Variants in CTNNA2 observed in about 807,000 individuals in gnomAD.
The protein encoded by CTNNA2 is catenin alpha-2.
Under a neutral mutation model 101.0 loss-of-function variants are expected in CTNNA2, and 42 were observed. That is an observed-to-expected ratio of 0.42 (90% CI 0.32 to 0.54). CTNNA2 has a LOEUF of 0.54. Ranked by LOEUF, CTNNA2 falls within the 20% of genes least tolerant of loss-of-function variation. The pLI is 0.14. For missense variants in CTNNA2, 871 were observed against 1,223.1 expected (o/e 0.71, Z 4.29); for synonymous variants, 450 against 456.4 (o/e 0.99, Z 0.18).
chr2:79,674,122 A>G (rs1436789971), intron 2 of CTNNA2, among the ~76,000 whole-genome samples: 2 of 152,168 alleles, frequency 1.3e-5, no homozygotes, highest in African/African-American at 4.8e-5. Context: ...GTTTTAAAAA[A>G]TTGCTCTGCA....
intron 1 of CTNNA2, among the ~76,000 whole-genome samples, chr2:79,620,765 G>A (rs962003382): frequency 5.9e-5 from 9 of 152,102 alleles, no homozygotes; most frequent in African/African-American, 2.2e-4. Context: ...GTGTGCATAG[G>A]CAGCCATAGA....
intron 4 of CTNNA2, among the ~76,000 whole-genome samples, chr2:79,461,447 C>T (rs1261184957): frequency 6.6e-6 from 1 of 152,142 alleles, no homozygotes; most frequent in Non-Finnish European, 1.5e-5. Flanking sequence ...TGGTATCAGA[C>T]ATTTGAGTGC....
At chr2:80,089,678 A>G (rs1015697877) in intron 7 of CTNNA2, among the ~76,000 whole-genome samples, 5 of 152,034 alleles carry the variant, frequency 3.3e-5, no homozygotes, top group African/African-American at 1.2e-4. Flanking sequence ...CAGTGAAAGC[A>G]TCATTTGGCC....
At chr2:79,329,989 A>G (rs540036672) in intron 3 of CTNNA2, among the ~76,000 whole-genome samples, 37 of 152,084 alleles carry the variant, frequency 2.4e-4, no homozygotes, top group African/African-American at 8.0e-4. Flanking sequence ...AGGGATGAAA[A>G]CCACTAGCTA....
At chr2:79,481,237 C>G (rs1671106609) in intron 4 of CTNNA2, among the ~76,000 whole-genome samples, 1 of 152,022 alleles carries the variant, frequency 6.6e-6, no homozygotes, top group Non-Finnish European at 1.5e-5. Flanking sequence ...GAGGAAGGTG[C>G]CTCTAAATTT....
intron 9 of CTNNA2, among the ~76,000 whole-genome samples, chr2:80,447,448 G>A (rs1683164564): frequency 6.6e-6 from 1 of 152,166 alleles, no homozygotes; most frequent in Non-Finnish European, 1.5e-5. Flanking sequence ...GTATGGGGTT[G>A]TTGTGTTATT....
chr2:79,732,724 T>A (rs1056830611), intron 2 of CTNNA2, among the ~76,000 whole-genome samples: 1 of 152,042 alleles, frequency 6.6e-6, no homozygotes, highest in Non-Finnish European at 1.5e-5. Flanking sequence ...ATCTTTAAAA[T>A]CTCAGAGACT....
chr2:79,589,909 T>G (rs1251451895), intron 1 of CTNNA2, among the ~76,000 whole-genome samples: 1 of 152,200 alleles, frequency 6.6e-6, no homozygotes, highest in Non-Finnish European at 1.5e-5. Context: ...AAAAATTTAG[T>G]TAAAAAGCAA....
chr2:80,603,936 G>A (rs1390161012), intron 15 of CTNNA2, 138 bp from the exon 16 acceptor site: 3 of 608,008 alleles, frequency 4.9e-6, no homozygotes, highest in Non-Finnish European at 8.4e-6. Context: ...GAGTTAAGCA[G>A]GAAAATATTC....
At chr2:79,583,050 T>A (rs1239725128) in intron 1 of CTNNA2, among the ~76,000 whole-genome samples, 1 of 152,114 alleles carries the variant, frequency 6.6e-6, no homozygotes, top group Non-Finnish European at 1.5e-5. Context: ...ACCATGTTAT[T>A]GTATATTAGT....
At chr2:80,301,236 C>T (rs1676279877) in intron 7 of CTNNA2, among the ~76,000 whole-genome samples, 1 of 152,196 alleles carries the variant, frequency 6.6e-6, no homozygotes, top group African/African-American at 2.4e-5. Flanking sequence ...CCTAAGCTTG[C>T]TGCAGTCTTA....
intron 13 of CTNNA2, among the ~76,000 whole-genome samples, chr2:80,580,552 G>A (rs1212323765): frequency 6.6e-6 from 1 of 152,078 alleles, no homozygotes; most frequent in African/African-American, 2.4e-5. Context: ...TAACTTCTTT[G>A]CACCTTGTAT....
chr2:79,307,469 T>C (rs1383843298), intron 2 of CTNNA2, among the ~76,000 whole-genome samples: 2 of 152,204 alleles, frequency 1.3e-5, no homozygotes, highest in Non-Finnish European at 2.9e-5. Context: ...AGTGAGAACA[T>C]GTGGTGTTTA....
At position 80,346,539 on chromosome 2, in the gene CTNNA2, A is replaced by C. The variant is rs181629113; in HGVS notation, c.1057-46672A>C. ...ACATTGGGGATTACAATTCAACATG[A>C]AATTGGGGTGGGGACAAATATCCAA... On this transcript the variant is annotated intron_variant, in intron 7 of 18. Coordinates refer to ENST00000402739, the MANE Select transcript of CTNNA2 (RefSeq NM_001282597.3). Among the ~76,000 whole-genome samples the C allele has an allele frequency of 3.7e-3, 560 of 152,276 alleles. 3 individuals carry two copies. The highest frequency in any genetic ancestry group is 4.3e-3 in the Non-Finnish European group (294 of 68,018).
rs183085516 is a variant in CTNNA2, at chr2:79,328,506, A to G, written c.-318+15710A>G. 9.5e-4 allele frequency among the ~76,000 whole-genome samples: 144 copies of G among 152,320 alleles called. 2 individuals are homozygous for G. Among genetic ancestry groups the G allele is most frequent in the African/African-American group, 3.2e-3 (134 of 41,582 alleles). On this transcript the variant is annotated intron_variant, in intron 3 of 21. Transcript: ENST00000466387. ...TAATTTCCTCATTTATAAGATGAGT[A>G]TTCACATTTGCTATTGCAGAGATGA...
intron 3 of CTNNA2, among the ~76,000 whole-genome samples, chr2:79,818,846 T>G (rs866846347): frequency 7.2e-6 from 1 of 138,072 alleles, no homozygotes. Context: ...TATATATATA[T>G]ATGGATGTAT....
intron 7 of CTNNA2, chr2:80,305,166 G>T (rs1157117793): frequency 8.1e-6 from 8 of 985,394 alleles, no homozygotes; most frequent in Non-Finnish European, 9.6e-6. Flanking sequence ...TTTGGGGCTT[G>T]GCTAAGATTT....
chr2:79,858,146 A>G lies in CTNNA2; in HGVS notation c.432A>G (p.Ala144=). The change falls in exon 4 of 19, where the codon GCA becomes GCG. Residue 144 remains alanine, a synonymous_variant. Coordinates refer to ENST00000402739, the MANE Select transcript of CTNNA2 (RefSeq NM_001282597.3). Reference sequence around the variant, plus strand: ...GCTTACTCATCCTGGCGGACATGGCAGATGTCATGAGACTTTTATCCCATC... The same window carrying G: ...GCTTACTCATCCTGGCGGACATGGCGGATGTCATGAGACTTTTATCCCATC... The part of the protein sequence containing the change: ...VTRLLILADM[A]DVMRLLSHLK... 1 of 1,613,822 alleles carries G rather than the reference A, an allele frequency of 6.2e-7. No homozygotes were observed. The highest frequency in any genetic ancestry group is 1.1e-5 in the South Asian group (1 of 91,076).
intron 2 of CTNNA2, among the ~76,000 whole-genome samples, chr2:79,700,471 A>C (rs1437823039): frequency 2.0e-5 from 3 of 152,084 alleles, no homozygotes; most frequent in African/African-American, 7.2e-5. Context: ...GGCCATCTCC[A>C]GTCCCTTCTT....
Sources: gnomAD v4.1 joint callset for allele counts (sites outside exome capture counted in the v4.1 genomes callset) on GRCh38, gnomAD v4.1.1 for gene constraint, MANE v1.5 for transcripts, NCBI Gene and HGNC (gene_info 2026-07-23, HGNC 2026-07-21) for gene names.